SLC51A: variants seen among roughly 807,000 people sequenced by gnomAD.
SLC51A encodes the protein organic solute transporter subunit alpha.
SLC51A carries 22 observed loss-of-function variants against 34.8 expected under a neutral mutation model. That is an observed-to-expected ratio of 0.63 (90% CI 0.45 to 0.90). The LOEUF (loss-of-function observed/expected upper bound fraction) is 0.90, where lower values mean the gene tolerates loss of function less well. Ranked by LOEUF, SLC51A falls within the 40% of genes least tolerant of loss-of-function variation. The pLI is 0.00. For synonymous variants in SLC51A, 181 were observed against 176.3 expected, an observed-to-expected ratio of 1.03 and a Z score of -0.21; for missense variants, 371 against 414.8, an observed-to-expected ratio of 0.89 and a Z score of 0.92.
intron 2 of SLC51A, among the ~76,000 whole-genome samples, chr3:196,223,638 C>A (rs1178287014): frequency 6.6e-6 from 1 of 151,234 alleles, no homozygotes; most frequent in Non-Finnish European, 1.5e-5. Flanking sequence ...TTTTGGAAAA[C>A]CACCTGCATT....
chr3:196,232,592 C>A (rs1373398306), intron 8 of SLC51A, 68 bp downstream of exon 8: 3 of 1,272,136 alleles, frequency 2.4e-6, no homozygotes, highest in Non-Finnish European at 3.4e-6. Context: ...AAAGAAGGGG[C>A]CCCAGAACAG....
At chr3:196,226,910 CA>C in intron 2 of SLC51A, 54 bp from the exon 3 acceptor site, 1 of 1,540,500 alleles carries the variant, frequency 6.5e-7, no homozygotes, top group Middle Eastern at 2.0e-4. Flanking sequence ...GGAACAAGCC[CA>C]GGCCTTCTCC....
Position 196,217,910 on chromosome 3 carries a change from C to T in SLC51A, c.107C>T (p.Pro36Leu), listed in dbSNP as rs1723639097. Reference protein sequence around the residue: ...YGIPSACFSQPPTAAQLLRAL... With the variant: ...YGIPSACFSQLPTAAQLLRAL... ...ATCCCCTCCGCCTGCTTCTCTCAGC[C>T]TCCCACAGCAGCCCAACTCCTGAGA... Residue 36 changes from proline (P) to leucine (L), a missense_variant, in exon 2 of 9, where the codon CCT becomes CTT. Coordinates refer to ENST00000296327, the MANE Select transcript of SLC51A (RefSeq NM_152672.6). 1 of 1,613,226 alleles carries T rather than the reference C, an allele frequency of 6.2e-7. No homozygotes were observed. The highest frequency in any genetic ancestry group is 8.5e-7 in the Non-Finnish European group (1 of 1,179,692).
At chr3:196,224,703 GGGGAGGAGATGGGA>G (rs1723851608) in intron 2 of SLC51A, among the ~76,000 whole-genome samples, 1 of 106,220 alleles carries the variant, frequency 9.4e-6, no homozygotes, top group South Asian at 4.4e-4. Flanking sequence ...GGGGCGGGGG[GGGGAGGAGATGGGA>G]GGGGAGGAGA....
Position 196,228,492 on chromosome 3 carries a change from C to CT in SLC51A, c.521+219_521+220insT. 1 of 636,630 alleles carries CT rather than the reference C, an allele frequency of 1.6e-6. No individual in the cohort carries two copies. The highest frequency in any genetic ancestry group is 2.0e-5 in the South Asian group (1 of 48,848). 39.4% of individuals were successfully genotyped at this position (636,630 alleles called of 1,614,324 possible). A position where few individuals can be genotyped will look rare whatever the true frequency, so the allele number is the denominator to read the frequency against. Reference sequence around the variant, plus strand: ...CATCACTGAACTTCACTGCACCCTGCAAGCCTTAGCCACACAGAGAAAACT... The same window carrying CT: ...CATCACTGAACTTCACTGCACCCTGCTAAGCCTTAGCCACACAGAGAAAACT... On this transcript the variant is annotated intron_variant, in intron 5 of 8. Transcript: ENST00000296327. This position sits in a 1 kb window ranked among gnomAD's most constrained non-coding sequence, Gnocchi z 4.9.
chr3:196,228,714 C>A lies in SLC51A; in HGVS notation c.522-95C>A. On this transcript the variant is annotated intron_variant, in intron 5 of 8. Coordinates refer to ENST00000296327, the MANE Select transcript of SLC51A (RefSeq NM_152672.6). The surrounding 1 kb of genome is among the most constrained non-coding windows in gnomAD (Gnocchi z 4.9). ...ACCTGGTTGGTGTTTATGACAGCAG[C>A]CGAGCCTCAGCCCAGGAGCCCTGTG... 1 of 1,011,488 alleles carries A rather than the reference C, an allele frequency of 9.9e-7. No individual in the cohort carries two copies. The highest frequency in any genetic ancestry group is 1.6e-6 in the Non-Finnish European group (1 of 639,024). 62.7% of individuals were successfully genotyped at this position (1,011,488 alleles called of 1,614,324 possible). A position where few individuals can be genotyped will look rare whatever the true frequency, so the allele number is the denominator to read the frequency against.
intron 2 of SLC51A, among the ~76,000 whole-genome samples, chr3:196,218,865 T>C (rs887061818): frequency 2.0e-5 from 3 of 149,746 alleles, no homozygotes; most frequent in Non-Finnish European, 4.4e-5. Context: ...AAAAAAAACA[T>C]AGGTGAACCT....
In SLC51A at chr3:196,228,106, C is replaced by T. The variant is rs781144406; in HGVS notation, c.363-9C>T. ...AGACCTCGTAGGCCCTCTTCTCTCCCCACCCCAGGTTTTATGCCGTGTGCT... is the reference window on the plus strand; with the variant it reads ...AGACCTCGTAGGCCCTCTTCTCTCCTCACCCCAGGTTTTATGCCGTGTGCT... On this transcript the variant is annotated splice_polypyrimidine_tract_variant and intron_variant, in intron 4 of 8. Coordinates refer to ENST00000296327, the MANE Select transcript of SLC51A (RefSeq NM_152672.6). This position sits in a 1 kb window ranked among gnomAD's most constrained non-coding sequence, Gnocchi z 4.9. 7 of 1,610,972 alleles carry T rather than the reference C, an allele frequency of 4.3e-6. No homozygotes were observed. In the Admixed American group the frequency reaches 1.0e-4, roughly 23 times the overall value.
intron 2 of SLC51A, among the ~76,000 whole-genome samples, chr3:196,222,755 C>CA (rs913248074): frequency 1.1e-4 from 17 of 151,660 alleles, no homozygotes; most frequent in African/African-American, 4.1e-4. Flanking sequence ...TCACATTTAA[C>CA]CTTAATGCAT....
At chr3:196,229,735 TC>T in intron 6 of SLC51A, 179 bp from the exon 7 acceptor site, 1 of 536,928 alleles carries the variant, frequency 1.9e-6, no homozygotes, top group East Asian at 3.7e-5. Context: ...GCACCTGTAG[TC>T]CCAGCTACTC....
intron 2 of SLC51A, among the ~76,000 whole-genome samples, chr3:196,224,769 G>A (rs1350526092): frequency 7.9e-6 from 1 of 126,590 alleles, no homozygotes; most frequent in African/African-American, 2.9e-5. Flanking sequence ...AGAGGGGAGG[G>A]GAGGGGAGGG....
chr3:196,218,445 G>C (rs1402287704), intron 2 of SLC51A, among the ~76,000 whole-genome samples: 2 of 152,200 alleles, frequency 1.3e-5, no homozygotes, highest in African/African-American at 4.8e-5. Context: ...TTCTGTTGTC[G>C]GGTTTTTGTG....
intron 8 of SLC51A, 189 bp from the exon 9 acceptor site, chr3:196,232,874 A>G: frequency 1.6e-6 from 1 of 632,696 alleles, no homozygotes; most frequent in Non-Finnish European, 2.8e-6. Flanking sequence ...GCACAGAAGT[A>G]GACAGCCAAC....
intron 7 of SLC51A, 104 bp from the exon 8 acceptor site, chr3:196,232,315 T>C: frequency 1.3e-6 from 1 of 784,520 alleles, no homozygotes; most frequent in Non-Finnish European, 2.2e-6. Flanking sequence ...TGACGGTGGG[T>C]GGAACCTGCC....
chr3:196,216,966 G>A lies in SLC51A; in HGVS notation c.38+216G>A, dbSNP rs964308564. Among the ~76,000 whole-genome samples the A allele has an allele frequency of 2.6e-5, 4 of 152,254 alleles. No homozygotes were observed. The highest frequency in any genetic ancestry group is 5.9e-5 in the Non-Finnish European group (4 of 68,042). ...TCGGCCTTGCCCCCCAGCGTGGGGA[G>A]AGAAAGGTCGCAGAGCGGGGGCTGT... On this transcript the variant is annotated intron_variant, in intron 1 of 8. Coordinates refer to ENST00000296327, the MANE Select transcript of SLC51A (RefSeq NM_152672.6). The surrounding 1 kb of genome is among the most constrained non-coding windows in gnomAD (Gnocchi z 4.5).
Position 196,216,549 on chromosome 3 carries a change from C to A in SLC51A, c.-164C>A. The A allele has an allele frequency of 1.3e-6, 1 of 750,066 alleles. No individual in the cohort carries two copies. Among genetic ancestry groups the A allele is most frequent in the South Asian group, 1.5e-5 (1 of 65,992 alleles). The allele number at this position is 750,066 out of a possible 1,614,324, so 46.5% of individuals were successfully genotyped here. A position where few individuals can be genotyped will look rare whatever the true frequency, so the allele number is the denominator to read the frequency against. ...GGTGAACTCTGAGATAGAAAGTTGG[C>A]CCGGGAAGCTCAAGGAGGGAGAGCG... On this transcript the variant is annotated 5_prime_UTR_variant, in exon 1 of 9. Coordinates refer to ENST00000296327, the MANE Select transcript of SLC51A (RefSeq NM_152672.6). This position sits in a 1 kb window ranked among gnomAD's most constrained non-coding sequence, Gnocchi z 4.5.
At position 196,221,323 on chromosome 3, in the gene SLC51A, T is replaced by A. The variant is rs1464095893; in HGVS notation, c.133+3387T>A. On this transcript the variant is annotated intron_variant, in intron 2 of 8. Transcript: ENST00000296327. ...AATGATTGAATCAATTTTTTTTTTT[T>A]AATTTTAAAATCACGGCTCACGGCA... Among the ~76,000 whole-genome samples, 6 of 152,044 alleles carry A rather than the reference T, an allele frequency of 3.9e-5. No individual in the cohort carries two copies. The South Asian group carries it at 6.2e-4, about 16-fold the overall frequency.
In SLC51A at chr3:196,230,049, T is replaced by G. The variant is rs767912325; in HGVS notation, c.768T>G (p.Phe256Leu). The change falls in exon 7 of 9, where the codon TTT becomes TTG. Residue 256 changes from phenylalanine (F) to leucine (L), a missense_variant. Phe to Leu is a conservative substitution (Grantham distance 22). Coordinates refer to ENST00000296327, the MANE Select transcript of SLC51A (RefSeq NM_152672.6). ...HLGEQNMGAK[F>L]ALFQVLLILT... ...GTGAGCAGAACATGGGAGCCAAATT[T>G]GCTCTGTTCCAGGTAACTATACCCT... is the stretch of plus-strand genomic sequence containing the variant. The G allele has an allele frequency of 3.1e-6, 5 of 1,612,598 alleles. No individual in the cohort carries two copies. The African/African-American group carries it at 5.3e-5, about 17-fold the overall frequency.
rs1724045121 is a variant in SLC51A at position 196,232,344 on chromosome 3, CG to C, written c.781-73del. 4.2e-6 allele frequency: 5 copies of C among 1,179,138 alleles called. No homozygotes were observed. In the East Asian group the frequency reaches 7.0e-5, roughly 17 times the overall value. The allele number at this position is 1,179,138 out of a possible 1,614,324, so 73.0% of individuals were successfully genotyped here. ...ACCTGCCCAGCGGAAGGGCAAGGCC[CG>C]GCAGTGGGCTGGCTGCGTTCTGTGC... On this transcript the variant is annotated intron_variant, in intron 7 of 8. Coordinates refer to ENST00000296327, the MANE Select transcript of SLC51A (RefSeq NM_152672.6).
Sources: allele counts gnomAD v4.1 joint callset (sites outside exome capture counted in the v4.1 genomes callset), GRCh38; gene constraint gnomAD v4.1.1; non-coding constraint Gnocchi (gnomAD v3.1); transcripts MANE v1.5; gene names NCBI Gene and HGNC (gene_info 2026-07-23, HGNC 2026-07-21).